Variants in HDGF observed in about 807,000 individuals in gnomAD.
HDGF encodes heparin binding growth factor.
A neutral mutation model predicts 30.0 loss-of-function variants in HDGF; 5 were observed. The observed-to-expected ratio is 0.17, with a 90% CI of 0.09 to 0.35. The LOEUF is 0.35. Among genes scored for constraint, HDGF ranks in the 10% least tolerant of loss-of-function variants. The pLI, the probability that HDGF is intolerant of heterozygous loss-of-function variation, is 1.00. For missense variants in HDGF, 214 were observed against 302.8 expected (o/e 0.71, Z 2.18); for synonymous variants, 133 against 112.7 (o/e 1.18, Z -1.14).
In HDGF at chr1:156,742,687, A is replaced by C. The variant is rs1351220444; in HGVS notation, c.*762T>G. On this transcript the variant is annotated 3_prime_UTR_variant, in exon 6 of 6. Coordinates refer to ENST00000357325, the MANE Select transcript of HDGF (RefSeq NM_004494.3). ...CCAAGCATCCTATTTGTGGCTTCAGAGATCTAAAGGGGGACAGATGCTCAA... is the reference window on the plus strand; with the variant it reads ...CCAAGCATCCTATTTGTGGCTTCAGCGATCTAAAGGGGGACAGATGCTCAA... 1 of 154,338 alleles carries C rather than the reference A, an allele frequency of 6.5e-6. No homozygotes were observed. The highest frequency in any genetic ancestry group is 6.5e-5 in the Admixed American group (1 of 15,274). 9.6% of individuals were successfully genotyped at this position (154,338 alleles called of 1,614,324 possible).
At chr1:156,759,152 G>A (rs1417501581) in exon 2 of HDGF, 1 of 152,166 alleles carries the variant, frequency 6.6e-6, no homozygotes, top group Admixed American at 6.6e-5. Context: ...ATCTTCATGA[G>A]TTCCAGACCA....
chr1:156,757,852 T>C (rs151180346), intron 2 of HDGF, among the ~76,000 whole-genome samples: 82 of 152,262 alleles, frequency 5.4e-4, no homozygotes, highest in South Asian at 1.2e-3. Flanking sequence ...GTTTCTTAGT[T>C]GTACTGGCCA....
upstream of HDGF, among the ~76,000 whole-genome samples, chr1:156,754,794 T>C (rs992834469): frequency 2.6e-5 from 4 of 151,744 alleles, no homozygotes; most frequent in Non-Finnish European, 5.9e-5. Context: ...AAATACAAAA[T>C]AAAAATTAAC....
chr1:156,745,156 G>C lies in HDGF; in HGVS notation c.165-10C>G. On this transcript the variant is annotated splice_polypyrimidine_tract_variant and intron_variant, in intron 2 of 5. Transcript: ENST00000357325. ...GGGGCCCAGGAATGCCCTGGTGAGA[G>C]ATGGGAGACTGTGCTCTCAAGCCCC... The C allele has an allele frequency of 1.2e-6, 2 of 1,614,018 alleles. No individual in the cohort carries two copies. Among genetic ancestry groups the C allele is most frequent in the South Asian group, 2.2e-5 (2 of 91,084 alleles).
chr1:156,754,836 T>C (rs1052932632), upstream of HDGF, among the ~76,000 whole-genome samples: 4 of 152,108 alleles, frequency 2.6e-5, no homozygotes, highest in African/African-American at 9.7e-5. Flanking sequence ...TAATCCCAGC[T>C]ACTTGGGAGG....
In HDGF at chr1:156,751,306, C is replaced by A. The variant is rs752195032; in HGVS notation, c.87+37G>T. The A allele has an allele frequency of 5.0e-6, 8 of 1,592,536 alleles. No individual in the cohort carries two copies. The highest frequency in any genetic ancestry group is 5.1e-6 in the Non-Finnish European group (6 of 1,168,550). ...TTCCCGGTGTTATGCAACCCAAGCCCGCAGGGGGTTAGGGGGCGGCGGGCC... is the reference window on the plus strand; with the variant it reads ...TTCCCGGTGTTATGCAACCCAAGCCAGCAGGGGGTTAGGGGGCGGCGGGCC... On this transcript the variant is annotated intron_variant, in intron 1 of 5. Coordinates refer to ENST00000357325, the MANE Select transcript of HDGF (RefSeq NM_004494.3). This position sits in a 1 kb window ranked among gnomAD's most constrained non-coding sequence, Gnocchi z 4.7.
At chr1:156,753,425 A>G (rs183554862), upstream of HDGF, among the ~76,000 whole-genome samples, 1 of 152,350 alleles carries the variant, frequency 6.6e-6, no homozygotes, top group East Asian at 1.9e-4. Flanking sequence ...AGTCAGTGTA[A>G]TAGTCCAGAT....
Position 156,757,760 on chromosome 1 carries a change from T to C in HDGF, n.373+1223A>G, listed in dbSNP as rs1012276599. ...ACGAGCCAAGATCATGACACTGCAC[T>C]CCAGCCTGGGAGCAAGACTCTGTCT... On this transcript the variant is annotated intron_variant and non_coding_transcript_variant, in intron 2 of 7. Coordinates refer to the HDGF transcript ENST00000465180. Among the ~76,000 whole-genome samples, 16 of 145,470 alleles carry C rather than the reference T, an allele frequency of 1.1e-4. No individual in the cohort carries two copies. The East Asian group carries it at 3.2e-3, about 29-fold the overall frequency.
chr1:156,746,916 A>G (rs1031008888), intron 1 of HDGF, among the ~76,000 whole-genome samples: 15 of 151,966 alleles, frequency 9.9e-5, no homozygotes, highest in African/African-American at 3.4e-4. Flanking sequence ...GACAGGGTGG[A>G]TGGGAATGCG....
chr1:156,764,911 A>G (rs1158760566), intron 1 of HDGF, among the ~76,000 whole-genome samples: 5 of 151,754 alleles, frequency 3.3e-5, no homozygotes, highest in African/African-American at 1.2e-4. Context: ...AGAAGAAGAA[A>G]GAAAACATTT....
chr1:156,765,472 C>CT (rs71080793), intron 1 of HDGF, among the ~76,000 whole-genome samples: 14,647 of 85,896 alleles, frequency 0.17, 2,138 homozygotes, highest in Non-Finnish European at 0.21. Flanking sequence ...TTCTTTCTTT[C>CT]TTTTTTTTTT....
At position 156,751,437 on chromosome 1, in the gene HDGF, C is replaced by A; in HGVS notation, c.-8G>T. The A allele has an allele frequency of 6.4e-7, 1 of 1,556,628 alleles. No individual in the cohort carries two copies. The highest frequency in any genetic ancestry group is 8.7e-7 in the Non-Finnish European group (1 of 1,149,690). On this transcript the variant is annotated 5_prime_UTR_variant, in exon 1 of 6. Transcript: ENST00000357325. The surrounding 1 kb of genome is among the most constrained non-coding windows in gnomAD (Gnocchi z 4.7). ...CCGGTTGGATCGCGACATGGCGGGGCTCCGGGCGCCCCGGGCTCCGCGCCG... is the reference window on the plus strand; with the variant it reads ...CCGGTTGGATCGCGACATGGCGGGGATCCGGGCGCCCCGGGCTCCGCGCCG...
At chr1:156,755,796 C>CA (rs1261896784), upstream of HDGF, 62 of 152,220 alleles carry the variant, frequency 4.1e-4, no homozygotes, top group African/African-American at 1.4e-3. Context: ...TGTGTGGAGT[C>CA]AGAGTGGTTG....
At chr1:156,744,012 C>T in intron 4 of HDGF, 134 bp from the exon 5 acceptor site, 1 of 1,056,044 alleles carries the variant, frequency 9.5e-7, no homozygotes, top group Non-Finnish European at 1.5e-6. Flanking sequence ...GAAATGCCTT[C>T]TGTGTCCCAT....
At chr1:156,765,421 CTTTCTCTT>C (rs1224811854) in intron 1 of HDGF, among the ~76,000 whole-genome samples, 2 of 137,140 alleles carry the variant, frequency 1.5e-5, no homozygotes, top group African/African-American at 5.2e-5. Flanking sequence ...TTCTTTCTTT[CTTTCTCTT>C]TCTTTCTTTC....
upstream of HDGF, among the ~76,000 whole-genome samples, chr1:156,753,397 C>T (rs1651081862): frequency 6.6e-6 from 1 of 152,204 alleles, no homozygotes; most frequent in South Asian, 2.1e-4. Context: ...CTCTACAATG[C>T]ATTCCATTTT....
rs142119636 is a variant in HDGF at position 156,757,849 on chromosome 1, A to T, written n.373+1134T>A. On this transcript the variant is annotated intron_variant and non_coding_transcript_variant, in intron 2 of 7. Coordinates refer to the HDGF transcript ENST00000465180. ...AATCCAGTTAAATATTCAGTTTCTT[A>T]GTTGTACTGGCCACATTGCAAGTGT... Among the ~76,000 whole-genome samples, 12 of 152,116 alleles carry T rather than the reference A, an allele frequency of 7.9e-5. No homozygotes were observed. In the East Asian group the frequency reaches 2.3e-3, roughly 29 times the overall value.
chr1:156,745,458 A>G (rs1249986239), intron 1 of HDGF, 85 bp from the exon 2 acceptor site: 1 of 1,154,872 alleles, frequency 8.7e-7, no homozygotes. Flanking sequence ...AGGCACATTT[A>G]TATAAAATCA....
At chr1:156,752,160 G>T, upstream of HDGF, 1 of 1,551,634 alleles carries the variant, frequency 6.4e-7, no homozygotes, top group South Asian at 1.2e-5. Flanking sequence ...GCTAGGCGCC[G>T]AGGGCGAGAG....
Sources: allele counts gnomAD v4.1 joint callset (sites outside exome capture counted in the v4.1 genomes callset), GRCh38; gene constraint gnomAD v4.1.1; non-coding constraint Gnocchi (gnomAD v3.1); transcripts MANE v1.5; gene names NCBI Gene and HGNC (gene_info 2026-07-23, HGNC 2026-07-21).